The following LRP1B variants were observed in gnomAD, a reference collection of about 807,000 sequenced individuals.
LRP1B encodes the protein low-density lipoprotein receptor-related protein 1B.
LRP1B carries 217 observed loss-of-function variants against 556.6 expected under a neutral mutation model. That is an observed-to-expected ratio of 0.39 (90% confidence interval 0.35 to 0.44). The LOEUF is 0.44. LRP1B is among the 20% of genes least tolerant of loss of function. The probability of loss-of-function intolerance (pLI) is 1.00; values close to 1 mark genes in which losing one functional copy is unlikely to be tolerated. For synonymous variants in LRP1B, 2,047 were observed against 1,865.8 expected, an observed-to-expected ratio of 1.10 and a Z score of -2.50; for missense variants, 5,053 against 5,620.8, an observed-to-expected ratio of 0.90 and a Z score of 3.23.
intron 19 of LRP1B, among the ~76,000 whole-genome samples, chr2:140,951,204 C>A (rs1007004239): frequency 6.6e-6 from 1 of 152,094 alleles, no homozygotes; most frequent in Non-Finnish European, 1.5e-5. Flanking sequence ...AACATGAGAA[C>A]CCACTCTTTA....
chr2:141,579,989 C>G (rs1686907068), intron 2 of LRP1B, among the ~76,000 whole-genome samples: 1 of 151,988 alleles, frequency 6.6e-6, no homozygotes, highest in Admixed American at 6.6e-5. Flanking sequence ...CGTGAGCCAC[C>G]GCGCCCAGCC....
intron 7 of LRP1B, among the ~76,000 whole-genome samples, chr2:141,071,861 A>G (rs1372155971): frequency 6.6e-6 from 1 of 152,168 alleles, no homozygotes; most frequent in African/African-American, 2.4e-5. Flanking sequence ...AAGAGTATAC[A>G]AACAAATGGA....
At chr2:140,401,939 T>C (rs1041378490) in intron 66 of LRP1B, among the ~76,000 whole-genome samples, 1 of 152,166 alleles carries the variant, frequency 6.6e-6, no homozygotes, top group African/African-American at 2.4e-5. Context: ...ACACTATCTG[T>C]AACTAAGGAA....
intron 77 of LRP1B, among the ~76,000 whole-genome samples, chr2:140,337,327 G>C (rs1239507249): frequency 6.6e-6 from 1 of 151,860 alleles, no homozygotes; most frequent in Non-Finnish European, 1.5e-5. Flanking sequence ...CATATAACCA[G>C]TGATATCTCA....
At chr2:141,241,257 T>G (rs1419547272) in intron 5 of LRP1B, among the ~76,000 whole-genome samples, 1 of 152,072 alleles carries the variant, frequency 6.6e-6, no homozygotes, top group Non-Finnish European at 1.5e-5. Context: ...AAGAAATATT[T>G]TAATGGCCAG....
chr2:141,438,674 A>G (rs1239080276), intron 3 of LRP1B, among the ~76,000 whole-genome samples: 3 of 152,174 alleles, frequency 2.0e-5, no homozygotes, highest in Non-Finnish European at 4.4e-5. Flanking sequence ...AAGGCATAAG[A>G]TTTATTCTGG....
intron 35 of LRP1B, among the ~76,000 whole-genome samples, chr2:140,729,530 GA>G (rs989353570): frequency 6.6e-6 from 1 of 151,522 alleles, no homozygotes; most frequent in African/African-American, 2.4e-5. Context: ...GGACTTTCAG[GA>G]AAAAAAATAC....
chr2:141,732,878 T>C (rs1693326144), intron 2 of LRP1B, among the ~76,000 whole-genome samples: 1 of 152,052 alleles, frequency 6.6e-6, no homozygotes, highest in Admixed American at 6.6e-5. Flanking sequence ...AATTATAAAA[T>C]AGATTGAGAA....
At chr2:140,258,745 T>G (rs2104921774) in intron 86 of LRP1B, among the ~76,000 whole-genome samples, 1 of 152,006 alleles carries the variant, frequency 6.6e-6, no homozygotes, top group East Asian at 1.9e-4. Context: ...AGAAAAGAGG[T>G]TCAGAGAAGA....
chr2:141,150,689 T>G (rs1384426157), intron 7 of LRP1B, among the ~76,000 whole-genome samples: 1 of 152,188 alleles, frequency 6.6e-6, no homozygotes, highest in Non-Finnish European at 1.5e-5. Context: ...GCTAGTCTTG[T>G]GATTGCCAAA....
intron 35 of LRP1B, among the ~76,000 whole-genome samples, chr2:140,765,229 C>A (rs1286447085): frequency 6.6e-6 from 1 of 151,922 alleles, no homozygotes; most frequent in African/African-American, 2.4e-5. Context: ...TTGGATGACC[C>A]AAATTTCAAT....
chr2:141,287,497 T>G (rs1442648219), intron 3 of LRP1B, among the ~76,000 whole-genome samples: 1 of 152,090 alleles, frequency 6.6e-6, no homozygotes, highest in African/African-American at 2.4e-5. Flanking sequence ...TTTTGCTTTC[T>G]AATATAAATA....
At chr2:141,248,089 C>G (rs1012209169) in intron 4 of LRP1B, among the ~76,000 whole-genome samples, 4 of 151,978 alleles carry the variant, frequency 2.6e-5, no homozygotes, top group African/African-American at 9.7e-5. Context: ...GTGCCTGTAC[C>G]CCTTCATTCT....
intron 2 of LRP1B, among the ~76,000 whole-genome samples, chr2:141,507,630 G>C (rs891431047): frequency 6.6e-6 from 1 of 152,022 alleles, no homozygotes; most frequent in Non-Finnish European, 1.5e-5. Context: ...ATACATTAAA[G>C]TGCATTAGAA....
At chr2:142,103,824 A>G (rs553424742) in intron 1 of LRP1B, among the ~76,000 whole-genome samples, 202 of 151,664 alleles carry the variant, frequency 1.3e-3, no homozygotes, top group Non-Finnish European at 2.4e-3. Flanking sequence ...ACCTCATACT[A>G]TTGGCTGATT....
intron 31 of LRP1B, among the ~76,000 whole-genome samples, chr2:140,814,802 G>A (rs55935141): frequency 1.3e-5 from 2 of 151,922 alleles, no homozygotes; most frequent in African/African-American, 4.8e-5. Flanking sequence ...CCCTAATCTC[G>A]ACCTGGCACA....
chr2:140,883,821 A>G lies in LRP1B; in HGVS notation c.4165T>C (p.Tyr1389His). ...ATAAAAGGCAAACTTCTTTACCCAT[A>G]TCTTGGGTCCAAAGCAATGGCCCTG... Reference protein sequence around the residue: ...HPRAIALDPRYGILFWTDWDA... With the variant: ...HPRAIALDPRHGILFWTDWDA... Residue 1389 changes from tyrosine to histidine, a missense_variant, in exon 25 of 91, where the codon TAT (tyrosine) becomes CAT (histidine). Coordinates refer to ENST00000389484, the MANE Select transcript of LRP1B (RefSeq NM_018557.3). The G allele has an allele frequency of 6.2e-7, 1 of 1,612,896 alleles. No individual in the cohort carries two copies. Among genetic ancestry groups the G allele is most frequent in the South Asian group, 1.1e-5 (1 of 90,894 alleles).
chr2:141,670,790 T>C (rs984613425), intron 2 of LRP1B, among the ~76,000 whole-genome samples: 5 of 152,214 alleles, frequency 3.3e-5, no homozygotes, highest in Non-Finnish European at 7.3e-5. Flanking sequence ...TTGTGAAGTT[T>C]GTCAGTTCAG....
intron 6 of LRP1B, among the ~76,000 whole-genome samples, chr2:141,198,967 A>G (rs550197198): frequency 1.6e-4 from 24 of 152,050 alleles, no homozygotes; most frequent in African/African-American, 4.1e-4. Context: ...ACACTATCTT[A>G]TCTCTTCTGG....
Sources: gnomAD v4.1 joint callset for allele counts (sites outside exome capture counted in the v4.1 genomes callset) on GRCh38, gnomAD v4.1.1 for gene constraint, MANE v1.5 for transcripts, NCBI Gene and HGNC (gene_info 2026-07-23, HGNC 2026-07-21) for gene names.